The following PLXNC1 variants were observed in gnomAD, a reference collection of about 807,000 sequenced individuals.
PLXNC1 encodes the protein plexin-C1.
In PLXNC1, 75 loss-of-function variants were observed where a neutral mutation model predicts 178.2. That is an observed-to-expected ratio of 0.42 (90% CI 0.35 to 0.51). PLXNC1 has a LOEUF of 0.51. Among genes scored for constraint, PLXNC1 ranks in the 20% least tolerant of loss-of-function variants. PLXNC1 has a pLI of 0.02. For synonymous variants in PLXNC1, 790 were observed against 779.9 expected, an observed-to-expected ratio of 1.01 and a Z score of -0.22; for missense variants, 1,503 against 1,984.4, an observed-to-expected ratio of 0.76 and a Z score of 4.61.
intron 6 of PLXNC1, among the ~76,000 whole-genome samples, chr12:94,222,130 G>A (rs1277484835): frequency 1.3e-5 from 2 of 152,254 alleles, no homozygotes; most frequent in African/African-American, 4.8e-5. Context: ...CCTTTGTGAT[G>A]CATTTCTGGT....
At chr12:94,255,168 T>C (rs755612114) in intron 16 of PLXNC1, 25 bp from the exon 17 acceptor site, 8 of 1,546,108 alleles carry the variant, frequency 5.2e-6, no homozygotes, top group South Asian at 1.1e-5. Context: ...AGTTAAAATA[T>C]TGCTCTTGGG....
chr12:94,216,412 T>C lies in PLXNC1; in HGVS notation c.1555-3604T>C, dbSNP rs192290271. On this transcript the variant is annotated intron_variant, in intron 5 of 30. Coordinates refer to ENST00000258526, the MANE Select transcript of PLXNC1 (RefSeq NM_005761.3). Reference sequence around the variant, plus strand: ...AAAAGTAAGTGGGCCAAAACACATATATTCTCACAAGAGGAGATTCAGAAA... The same window carrying C: ...AAAAGTAAGTGGGCCAAAACACATACATTCTCACAAGAGGAGATTCAGAAA... Among the ~76,000 whole-genome samples, 32 of 152,228 alleles carry C rather than the reference T, an allele frequency of 2.1e-4. No individual in the cohort carries two copies. The East Asian group carries it at 6.2e-3, about 29-fold the overall frequency.
Position 94,260,587 on chromosome 12 carries a change from T to G in PLXNC1, c.3252-55T>G. On this transcript the variant is annotated intron_variant, in intron 19 of 30. Transcript: ENST00000258526. This position sits in a 1 kb window ranked among gnomAD's most constrained non-coding sequence, Gnocchi z 4.4. ...CAGTGAGCTTCCATGGAAACTCCCA[T>G]GGGTGTCCAGCTAGGCCTGCAGCCA... The G allele has an allele frequency of 1.5e-6, 2 of 1,328,104 alleles. No homozygotes were observed. The highest frequency in any genetic ancestry group is 2.1e-6 in the Non-Finnish European group (2 of 937,476). 82.3% of individuals were successfully genotyped at this position (1,328,104 alleles called of 1,614,324 possible).
At chr12:94,279,272 T>A (rs1358296298) in intron 21 of PLXNC1, among the ~76,000 whole-genome samples, 200 bp from the exon 22 acceptor site, 1 of 152,242 alleles carries the variant, frequency 6.6e-6, no homozygotes, top group Non-Finnish European at 1.5e-5. Context: ...AATGAGAGTT[T>A]TAACTTTCTG....
chr12:94,222,360 C>G (rs1027300172), intron 6 of PLXNC1, among the ~76,000 whole-genome samples: 1 of 152,212 alleles, frequency 6.6e-6, no homozygotes, highest in African/African-American at 2.4e-5. Context: ...ATTGCCAAGC[C>G]TTTATCCATG....
At chr12:94,212,392 G>C (rs965454318) in intron 5 of PLXNC1, among the ~76,000 whole-genome samples, 2 of 151,994 alleles carry the variant, frequency 1.3e-5, no homozygotes, top group Non-Finnish European at 2.9e-5. Flanking sequence ...TTGTTACATA[G>C]GTATACATGT....
At chr12:94,175,713 G>T (rs957573097) in intron 2 of PLXNC1, among the ~76,000 whole-genome samples, 1 of 152,230 alleles carries the variant, frequency 6.6e-6, no homozygotes, top group Admixed American at 6.5e-5. Context: ...TGCTAATAGC[G>T]TCGTTTTTCA....
chr12:94,220,036 A>G lies in PLXNC1; in HGVS notation c.1575A>G (p.Gly525=). The G allele has an allele frequency of 6.2e-7, 1 of 1,613,912 alleles. No individual in the cohort carries two copies. The highest frequency in any genetic ancestry group is 8.5e-7 in the Non-Finnish European group (1 of 1,179,894). ...CACAGACTACAGTGACTATGGTGGG[A>G]AGCTTCTCTCCAAGACACTCAAAGT... is the stretch of plus-strand genomic sequence containing the variant. ...SKEKTTVTMV[G]SFSPRHSKCM... The change falls in exon 6 of 31, where the codon GGA becomes GGG. Residue 525 remains glycine, a synonymous_variant. Coordinates refer to ENST00000258526, the MANE Select transcript of PLXNC1 (RefSeq NM_005761.3).
At chr12:94,201,748 CTTTTTTTTTTTTTTTTTTTTTTTT>C (rs10529488) in intron 4 of PLXNC1, among the ~76,000 whole-genome samples, 6 of 54,422 alleles carry the variant, frequency 1.1e-4, no homozygotes, top group Non-Finnish European at 2.0e-4. Flanking sequence ...CTTCCCACTA[CTTTTTTTTTTTTTTTTTTTTTTTT>C]TTTTTTTTTT....
intron 4 of PLXNC1, among the ~76,000 whole-genome samples, chr12:94,198,237 G>A (rs1261563058): frequency 6.6e-6 from 1 of 152,186 alleles, no homozygotes; most frequent in African/African-American, 2.4e-5. Flanking sequence ...TTTTGGGGAT[G>A]TGGATGGAGC....
intron 21 of PLXNC1, among the ~76,000 whole-genome samples, chr12:94,265,602 T>C (rs896490268): frequency 6.6e-6 from 1 of 152,228 alleles, no homozygotes; most frequent in Non-Finnish European, 1.5e-5. Context: ...TGAAGATATA[T>C]TTCAATCAAA....
At chr12:94,282,032 G>A (rs112788836) in intron 22 of PLXNC1, 9 of 345,664 alleles carry the variant, frequency 2.6e-5, no homozygotes, top group African/African-American at 1.1e-4. Flanking sequence ...GAGCTTAGTC[G>A]TCCCTCATAG....
chr12:94,149,029 C>A lies in PLXNC1; in HGVS notation c.58C>A (p.Pro20Thr). Reference protein sequence around the residue: ...PRPPRPAAPLPLLAYLLALAA... With the variant: ...PRPPRPAAPLTLLAYLLALAA... The stretch of plus-strand genomic sequence containing the variant: ...CCCCCCGCGCCCCGCAGCGCCACTG[C>A]CCCTGCTCGCCTATCTGCTGGCACT... The change falls in exon 1 of 31, where the codon CCC (proline) becomes ACC (threonine). Residue 20 changes from proline (P) to threonine (T), a missense_variant. Around this residue, in one of 4 missense-constraint regions of PLXNC1, gnomAD observed 176 missense variants for 180.7 expected, o/e 0.97. Transcript: ENST00000258526. 2 of 1,498,748 alleles carry A rather than the reference C, an allele frequency of 1.3e-6. No individual in the cohort carries two copies. Among genetic ancestry groups the A allele is most frequent in the Non-Finnish European group, 1.8e-6 (2 of 1,131,136 alleles). 92.8% of individuals were successfully genotyped at this position (1,498,748 alleles called of 1,614,324 possible).
chr12:94,154,299 T>C (rs1365803686), intron 1 of PLXNC1, among the ~76,000 whole-genome samples: 1 of 152,246 alleles, frequency 6.6e-6, no homozygotes, highest in Non-Finnish European at 1.5e-5. Flanking sequence ...ATTTAGAACC[T>C]GGGTGGTCCA....
intron 14 of PLXNC1, among the ~76,000 whole-genome samples, chr12:94,248,795 G>T (rs971435739): frequency 1.3e-5 from 2 of 152,106 alleles, no homozygotes; most frequent in Non-Finnish European, 2.9e-5. Flanking sequence ...ACAAACAAGG[G>T]CCTCTTCAGC....
chr12:94,195,010 G>A (rs1251002513), intron 4 of PLXNC1, among the ~76,000 whole-genome samples: 1 of 151,990 alleles, frequency 6.6e-6, no homozygotes, highest in Non-Finnish European at 1.5e-5. Flanking sequence ...AGGCATTTCA[G>A]GCAGAAGAAT....
chr12:94,208,844 C>T (rs550435078), intron 4 of PLXNC1, among the ~76,000 whole-genome samples: 1 of 152,230 alleles, frequency 6.6e-6, no homozygotes, highest in African/African-American at 2.4e-5. Context: ...ACACATCAAG[C>T]AAGCCAGTGA....
chr12:94,244,204 C>T lies in PLXNC1; in HGVS notation c.2388+179C>T, dbSNP rs534883893. On this transcript the variant is annotated intron_variant, in intron 12 of 30. Coordinates refer to ENST00000258526, the MANE Select transcript of PLXNC1 (RefSeq NM_005761.3). Reference sequence around the variant, plus strand: ...AAATAATAAGACCTTATCCTTGTAGCTGAGTATTTCTAGTTGCAGCAATGA... The same window carrying T: ...AAATAATAAGACCTTATCCTTGTAGTTGAGTATTTCTAGTTGCAGCAATGA... Among the ~76,000 whole-genome samples, 38 of 152,262 alleles carry T rather than the reference C, an allele frequency of 2.5e-4. No individual in the cohort carries two copies. The South Asian group carries it at 7.3e-3, about 29-fold the overall frequency.
chr12:94,205,517 A>G (rs143188441), intron 4 of PLXNC1, among the ~76,000 whole-genome samples: 2 of 152,212 alleles, frequency 1.3e-5, no homozygotes, highest in Admixed American at 6.5e-5. Flanking sequence ...CATTATTTCT[A>G]TGGGGGAAAA....
Sources: gnomAD v4.1 joint callset for allele counts (sites outside exome capture counted in the v4.1 genomes callset) on GRCh38, gnomAD v4.1.1 for gene constraint, gnomAD v4.1.1 regional missense constraint, Gnocchi (gnomAD v3.1) non-coding constraint, MANE v1.5 for transcripts, NCBI Gene and HGNC (gene_info 2026-07-23, HGNC 2026-07-21) for gene names.